The following CSPP1 variants were observed in gnomAD, a reference collection of about 807,000 sequenced individuals.
The protein encoded by CSPP1 is centrosome and spindle pole associated protein 1.
CSPP1 carries 126 observed loss-of-function variants against 164.4 expected under a neutral mutation model. The observed-to-expected ratio is 0.77, with a 90% CI of 0.66 to 0.89. CSPP1 has a LOEUF of 0.89. CSPP1 is among the 40% of genes least tolerant of loss of function. CSPP1 has a pLI of 0.00. For synonymous variants in CSPP1, 472 were observed against 476.7 expected, an observed-to-expected ratio of 0.99 and a Z score of 0.13; for missense variants, 1,395 against 1,449.8, an observed-to-expected ratio of 0.96 and a Z score of 0.61.
chr8:67,079,618 A>T (rs1020910060), intron 3 of CSPP1, among the ~76,000 whole-genome samples: 4 of 152,346 alleles, frequency 2.6e-5, no homozygotes, highest in Non-Finnish European at 5.9e-5. Context: ...ATATTTGCAT[A>T]AAACAAATCT....
intron 1 of CSPP1, 144 bp from the exon 2 acceptor site, chr8:67,074,098 CA>C: frequency 2.0e-6 from 1 of 501,886 alleles, no homozygotes; most frequent in South Asian, 3.6e-5. Context: ...AGGCAGTAGG[CA>C]GGCATATTTA....
At chr8:67,192,065 T>TA (rs1836423444) in intron 29 of CSPP1, among the ~76,000 whole-genome samples, 1 of 142,574 alleles carries the variant, frequency 7.0e-6, no homozygotes, top group African/African-American at 2.7e-5. Flanking sequence ...TTTGCTGATT[T>TA]GTTTTTTTTT....
rs142570227 is a variant in CSPP1 at position 67,126,261 on chromosome 8, G to A, written c.1698-5690G>A. 3.9e-3 allele frequency among the ~76,000 whole-genome samples: 599 copies of A among 152,062 alleles called. 4 individuals carry two copies. Among genetic ancestry groups the A allele is most frequent in the African/African-American group, 0.014 (566 of 41,472 alleles). On this transcript the variant is annotated intron_variant, in intron 15 of 30. Transcript: ENST00000678616. The stretch of plus-strand genomic sequence containing the variant: ...TTTTCTGTTGACTTCTTTTTTCCCC[G>A]TATGTATGGCTTATAATTCTCTATT...
chr8:67,089,781 CT>C (rs1288702717), intron 4 of CSPP1, among the ~76,000 whole-genome samples: 1 of 148,400 alleles, frequency 6.7e-6, no homozygotes, highest in African/African-American at 2.5e-5. Context: ...CTATGTTGTT[CT>C]TTTTTTAAGA....
chr8:67,184,408 A>T (rs1403257144), intron 28 of CSPP1, among the ~76,000 whole-genome samples: 1 of 152,218 alleles, frequency 6.6e-6, no homozygotes, highest in Non-Finnish European at 1.5e-5. Flanking sequence ...TAGCCAAGCT[A>T]ATAAAAGAGA....
chr8:67,163,919 C>A (rs1475939496), intron 23 of CSPP1, 121 bp downstream of exon 23: 1 of 701,110 alleles, frequency 1.4e-6, no homozygotes, highest in Non-Finnish European at 2.4e-6. Flanking sequence ...TGCTGTGTAC[C>A]CATTCTCCAA....
chr8:67,094,231 A>G (rs1047027678), intron 6 of CSPP1, among the ~76,000 whole-genome samples: 1 of 149,010 alleles, frequency 6.7e-6, no homozygotes, highest in Non-Finnish European at 1.5e-5. Context: ...TTTTGAAGTA[A>G]TATCTCCTGG....
intron 28 of CSPP1, among the ~76,000 whole-genome samples, chr8:67,183,871 T>TTA (rs1833666938): frequency 1.4e-5 from 2 of 144,300 alleles, no homozygotes; most frequent in South Asian, 2.2e-4. Context: ...TTTTTTTTTT[T>TTA]AGACAAAGTC....
At chr8:67,086,452 A>G (rs1291856739) in intron 4 of CSPP1, among the ~76,000 whole-genome samples, 1 of 152,124 alleles carries the variant, frequency 6.6e-6, no homozygotes, top group Non-Finnish European at 1.5e-5. Context: ...CCCCCCAACT[A>G]TGTATTAAAA....
At chr8:67,159,639 A>G (rs1213608668) in intron 21 of CSPP1, among the ~76,000 whole-genome samples, 1 of 145,002 alleles carries the variant, frequency 6.9e-6, no homozygotes, top group Non-Finnish European at 1.5e-5. Context: ...CTCCTGCCTC[A>G]GCCTCTCAAG....
At chr8:67,159,506 A>ATTTT (rs1554604753) in intron 21 of CSPP1, among the ~76,000 whole-genome samples, 1 of 68,898 alleles carries the variant, frequency 1.5e-5, no homozygotes, top group African/African-American at 5.0e-5. Context: ...ATATATATGT[A>ATTTT]TTCTTTTTTT....
chr8:67,190,768 G>A lies in CSPP1; in HGVS notation c.3330+9G>A. 6.4e-7 allele frequency: 1 copy of A among 1,571,272 alleles called. No individual in the cohort carries two copies. Among genetic ancestry groups the A allele is most frequent in the Admixed American group, 1.7e-5 (1 of 59,956 alleles). ...GGAAAGGACTAGACATTGTATGTAT[G>A]AGACTTTTCTCCCCCTTTTCAACTT... is the stretch of plus-strand genomic sequence containing the variant. On this transcript the variant is annotated intron_variant, in intron 29 of 30. Transcript: ENST00000678616.
At chr8:67,080,582 A>T (rs1369527061) in intron 3 of CSPP1, among the ~76,000 whole-genome samples, 1 of 152,236 alleles carries the variant, frequency 6.6e-6, no homozygotes, top group Non-Finnish European at 1.5e-5. Flanking sequence ...CTCCAGCTGC[A>T]AGTTCAAGGG....
intron 29 of CSPP1, among the ~76,000 whole-genome samples, chr8:67,192,441 CAA>C (rs1836619124): frequency 6.6e-6 from 1 of 152,172 alleles, no homozygotes; most frequent in African/African-American, 2.4e-5. Flanking sequence ...ATTCTCACTA[CAA>C]GTCTAGTTAT....
chr8:67,086,108 CA>C lies in CSPP1; in HGVS notation c.302del (p.Gln101ArgfsTer31). On this transcript the variant is annotated frameshift_variant and splice_region_variant, in exon 4 of 31. Coordinates refer to ENST00000678616, the MANE Select transcript of CSPP1 (RefSeq NM_001382391.1). LOFTEE classifies it high-confidence loss of function. ...LRQDYRRYLTQKNFLSTSETD... is the reference protein window; with the variant it reads ...LRQDYRRYLTXKNFLSTSETD... ...GCAAGATTACAGACGTTATCTTACT[CA>C]GGTAATGAGTTCTATTAATGAGTTG... The C allele has an allele frequency of 7.7e-7, 1 of 1,303,432 alleles. No homozygotes were observed. Among genetic ancestry groups the C allele is most frequent in the Non-Finnish European group, 1.1e-6 (1 of 896,634 alleles). 80.7% of individuals were successfully genotyped at this position (1,303,432 alleles called of 1,614,324 possible). A position where few individuals can be genotyped will look rare whatever the true frequency, so the allele number is the denominator to read the frequency against.
intron 28 of CSPP1, among the ~76,000 whole-genome samples, chr8:67,183,423 A>G (rs1431839892): frequency 2.0e-5 from 3 of 152,232 alleles, no homozygotes; most frequent in Non-Finnish European, 4.4e-5. Flanking sequence ...AACAGATGTA[A>G]AAGAAGATAA....
chr8:67,113,878 A>T lies in CSPP1; in HGVS notation c.1245+16A>T, dbSNP rs1047573316. On this transcript the variant is annotated intron_variant, in intron 11 of 30. Coordinates refer to ENST00000678616, the MANE Select transcript of CSPP1 (RefSeq NM_001382391.1). Reference sequence around the variant, plus strand: ...TGAGAAATCGGTAAGGGTTTCTGGCATCTTTTAATGTTTAATCTTTCATCA... The same window carrying T: ...TGAGAAATCGGTAAGGGTTTCTGGCTTCTTTTAATGTTTAATCTTTCATCA... The T allele has an allele frequency of 6.7e-7, 1 of 1,502,040 alleles. No homozygotes were observed. Among genetic ancestry groups the T allele is most frequent in the African/African-American group, 1.4e-5 (1 of 72,416 alleles). 93.0% of individuals were successfully genotyped at this position (1,502,040 alleles called of 1,614,324 possible).
intron 3 of CSPP1, among the ~76,000 whole-genome samples, chr8:67,085,455 T>G (rs193040191): frequency 1.3e-5 from 2 of 152,108 alleles, no homozygotes; most frequent in Admixed American, 1.3e-4. Flanking sequence ...ATTAAAGATA[T>G]TCTTGTATGC....
chr8:67,132,187 A>C, intron 16 of CSPP1, 107 bp downstream of exon 16: 1 of 1,138,406 alleles, frequency 8.8e-7, no homozygotes, highest in Non-Finnish European at 1.2e-6. Context: ...AGTTAATTAT[A>C]ATTCAAAATG....
Sources: gnomAD v4.1 joint callset for allele counts (sites outside exome capture counted in the v4.1 genomes callset) on GRCh38, gnomAD v4.1.1 for gene constraint, MANE v1.5 for transcripts, NCBI Gene and HGNC (gene_info 2026-07-23, HGNC 2026-07-21) for gene names.